The following CCDC9 variants were observed in gnomAD, a reference collection of about 807,000 sequenced individuals.
CCDC9 encodes the protein coiled-coil domain-containing protein 9.
A neutral mutation model predicts 65.6 loss-of-function variants in CCDC9; 52 were observed. That is an observed-to-expected ratio of 0.79 (90% CI 0.63 to 1.00). The LOEUF (loss-of-function observed/expected upper bound fraction) is 1.00, where lower values mean the gene tolerates loss of function less well. Among genes scored for constraint, CCDC9 ranks in the 50% least tolerant of loss-of-function variants. The pLI is 0.00. For missense variants in CCDC9, 834 were observed against 757.2 expected, an observed-to-expected ratio of 1.10 and a Z score of -1.19; for synonymous variants, 332 against 280.3, an observed-to-expected ratio of 1.18 and a Z score of -1.84.
intron 8 of CCDC9, among the ~76,000 whole-genome samples, chr19:47,268,919 A>AG (rs2059098969): frequency 6.6e-6 from 1 of 150,904 alleles, no homozygotes; most frequent in African/African-American, 2.4e-5. Context: ...CTCCGTTTCA[A>AG]AAAATAATAA....
downstream of CCDC9, among the ~76,000 whole-genome samples, chr19:47,274,198 G>A (rs2059141674): frequency 6.6e-6 from 1 of 152,118 alleles, no homozygotes; most frequent in Admixed American, 6.6e-5. Flanking sequence ...GGGGCCTGAG[G>A]TGCTGAGGAT....
At chr19:47,274,670 C>T (rs1600297539), downstream of CCDC9, 1 of 195,294 alleles carries the variant, frequency 5.1e-6, no homozygotes, top group East Asian at 9.2e-5. Context: ...GGTGGTGGGG[C>T]TAAGCGCGGG....
chr19:47,258,805 C>T (rs906873178), intron 3 of CCDC9, 142 bp downstream of exon 3: 15 of 644,908 alleles, frequency 2.3e-5, no homozygotes, highest in South Asian at 3.7e-5. Context: ...GACATCCCTT[C>T]TTTCATTCCA....
downstream of CCDC9, among the ~76,000 whole-genome samples, chr19:47,272,472 T>C (rs1187111827): frequency 6.6e-6 from 1 of 151,956 alleles, no homozygotes; most frequent in Non-Finnish European, 1.5e-5. Context: ...TTAAGAGTAA[T>C]GGGGTGTGGA....
chr19:47,264,719 G>T (rs745425218), intron 6 of CCDC9, 33 bp downstream of exon 6: 2 of 1,602,092 alleles, frequency 1.2e-6, no homozygotes, highest in Non-Finnish European at 1.7e-6. Flanking sequence ...AGGCAGGGCC[G>T]AGCTGCCTGG....
At chr19:47,275,546 C>T, downstream of CCDC9, 1 of 686,616 alleles carries the variant, frequency 1.5e-6, no homozygotes, top group Non-Finnish European at 2.3e-6. Context: ...TGTGGTCAGG[C>T]CGGGTCCTCC....
chr19:47,270,738 G>A (rs768808563), intron 10 of CCDC9, 50 bp downstream of exon 10: 25 of 1,544,848 alleles, frequency 1.6e-5, no homozygotes, highest in Middle Eastern at 2.4e-4. Flanking sequence ...TCTCCGCAGG[G>A]CGTTCTCTTC....
At chr19:47,275,341 C>T (rs1234496271), downstream of CCDC9, 2 of 1,542,868 alleles carry the variant, frequency 1.3e-6, no homozygotes, top group South Asian at 2.4e-5. Context: ...GGGCGAAGAC[C>T]CGGGTAACTC....
At chr19:47,263,565 A>C (rs1440308150) in intron 5 of CCDC9, among the ~76,000 whole-genome samples, 11 of 151,868 alleles carry the variant, frequency 7.2e-5, no homozygotes, top group Non-Finnish European at 4.4e-5. Context: ...TTAGTTTTTA[A>C]AATTTCTTTT....
rs201292340 is a variant in CCDC9 at position 47,258,629 on chromosome 19, G to A, written c.74G>A (p.Arg25Gln). The change falls in exon 3 of 12, where the codon CGG becomes CAG. Residue 25 changes from arginine to glutamine, a missense_variant. Arg to Gln is a conservative substitution (Grantham distance 43, BLOSUM62 1). Transcript: ENST00000221922. ...AELDKRIEAL[R>Q]RKNEALIRRY... ...TTGGACAAGAGGATCGAGGCTCTTC[G>A]GCGGAAGAATGAGGCCCTCATCCGG... 2.5e-6 allele frequency: 4 copies of A among 1,614,092 alleles called. No individual in the cohort carries two copies. Among genetic ancestry groups the A allele is most frequent in the Non-Finnish European group, 3.4e-6 (4 of 1,179,998 alleles).
At chr19:47,273,502 T>A, downstream of CCDC9, 1 of 577,148 alleles carries the variant, frequency 1.7e-6, no homozygotes, top group Non-Finnish European at 2.6e-6. Context: ...TGCACTAACC[T>A]CCCACCGCCT....
chr19:47,274,933 G>C, downstream of CCDC9: 1 of 1,340,678 alleles, frequency 7.5e-7, no homozygotes, highest in Non-Finnish European at 9.5e-7. Flanking sequence ...CGGGGGACCA[G>C]CTGCGTGGGC....
intron 5 of CCDC9, among the ~76,000 whole-genome samples, chr19:47,261,569 G>A (rs576447423): frequency 6.6e-6 from 1 of 151,940 alleles, no homozygotes; most frequent in Non-Finnish European, 1.5e-5. Context: ...AAAATTAGCT[G>A]GACGTGGTGG....
downstream of CCDC9, chr19:47,273,215 C>G (rs1234832527): frequency 9.4e-6 from 4 of 425,892 alleles, no homozygotes; most frequent in African/African-American, 2.0e-5. Flanking sequence ...AGTCTGGGCC[C>G]CGTAAACCGC....
chr19:47,261,258 G>C (rs991017788), intron 5 of CCDC9, among the ~76,000 whole-genome samples: 9 of 152,060 alleles, frequency 5.9e-5, no homozygotes, highest in Non-Finnish European at 8.8e-5. Flanking sequence ...CTGGCACTGT[G>C]TGTCTGTCTG....
chr19:47,268,550 C>G (rs1203935051), intron 8 of CCDC9, among the ~76,000 whole-genome samples: 1 of 152,106 alleles, frequency 6.6e-6, no homozygotes, highest in Non-Finnish European at 1.5e-5. Flanking sequence ...GGGAGATGTT[C>G]TCAGCATTCA....
chr19:47,263,402 C>G (rs1470066528), intron 5 of CCDC9, among the ~76,000 whole-genome samples: 1 of 152,136 alleles, frequency 6.6e-6, no homozygotes, highest in Non-Finnish European at 1.5e-5. Context: ...CATGAACTTC[C>G]AAGAGTCCTT....
Position 47,264,684 on chromosome 19 carries a change from C to A in CCDC9, c.544C>A (p.Arg182=), listed in dbSNP as rs766388399. The A allele has an allele frequency of 1.2e-6, 2 of 1,604,434 alleles. No individual in the cohort carries two copies. The highest frequency in any genetic ancestry group is 1.7e-5 in the Admixed American group (1 of 58,428). The change falls in exon 6 of 12, where the codon CGG becomes AGG. Residue 182 remains arginine (R), a splice_region_variant and synonymous_variant. Coordinates refer to ENST00000221922, the MANE Select transcript of CCDC9 (RefSeq NM_015603.3). The part of the protein sequence containing the change: ...EKIAEYERNQ[R]EGVLEPNPVR... ...GATCGCCGAGTATGAGCGCAACCAG[C>A]GGGTCAGTGGTGCGGGTGTCCCCGA... is the stretch of plus-strand genomic sequence containing the variant.
chr19:47,265,658 C>T (rs935720270), intron 7 of CCDC9, among the ~76,000 whole-genome samples: 1 of 151,066 alleles, frequency 6.6e-6, no homozygotes, highest in African/African-American at 2.4e-5. Context: ...TTACTATGTG[C>T]CAGGTACTGT....
Sources: gnomAD v4.1 joint callset for allele counts (sites outside exome capture counted in the v4.1 genomes callset) on GRCh38, gnomAD v4.1.1 for gene constraint, MANE v1.5 for transcripts, NCBI Gene and HGNC (gene_info 2026-07-23, HGNC 2026-07-21) for gene names.